NF2: variants seen among roughly 807,000 people sequenced by gnomAD.
NF2 encodes the protein merlin.
NF2 carries 8 observed loss-of-function variants against 83.7 expected under a neutral mutation model. That is an observed-to-expected ratio of 0.10 (90% CI 0.06 to 0.17). The LOEUF is 0.17. NF2 is among the 10% of genes least tolerant of loss of function. The pLI, the probability that NF2 is intolerant of heterozygous loss-of-function variation, is 1.00. For missense variants in NF2, 533 were observed against 744.4 expected (o/e 0.72, Z 3.31); for synonymous variants, 266 against 269.6 (o/e 0.99, Z 0.13).
intron 15 of NF2, among the ~76,000 whole-genome samples, chr22:29,689,589 T>C (rs1395052688): frequency 2.0e-5 from 3 of 152,156 alleles, no homozygotes; most frequent in Non-Finnish European, 2.9e-5. Flanking sequence ...GTGAGTCTTA[T>C]TGTTTAAAAT....
In NF2 at chr22:29,678,270, C is replaced by A; in HGVS notation, c.1521C>A (p.Phe507Leu). ...ACCTCATTGGTGACAGCCTGTCTTT[C>A]GACTTCAAAGATACTGACATGAAGC... Reference protein sequence around the residue: ...SFNLIGDSLSFDFKDTDMKRL... With the variant: ...SFNLIGDSLSLDFKDTDMKRL... The change falls in exon 14 of 16, where the codon TTC (phenylalanine) becomes TTA (leucine). Residue 507 changes from phenylalanine (F) to leucine (L), a missense_variant. Physicochemically the swap from Phe to Leu is conservative, Grantham distance 22 (BLOSUM62 0). This residue lies in a region of NF2 where 199 missense variants were observed against 240.7 expected (regional missense o/e 0.83). Coordinates refer to ENST00000338641, the MANE Select transcript of NF2 (RefSeq NM_000268.4). 6.2e-7 allele frequency: 1 copy of A among 1,614,088 alleles called. No individual in the cohort carries two copies. The highest frequency in any genetic ancestry group is 8.5e-7 in the Non-Finnish European group (1 of 1,180,000).
intron 15 of NF2, among the ~76,000 whole-genome samples, chr22:29,686,984 A>G (rs1260769061): frequency 2.0e-5 from 3 of 152,318 alleles, no homozygotes; most frequent in Admixed American, 6.5e-5. Context: ...TCAGAGCCAC[A>G]GTGCCAATGA....
intron 1 of NF2, among the ~76,000 whole-genome samples, chr22:29,619,598 T>C (rs1278206046): frequency 6.6e-6 from 1 of 151,824 alleles, no homozygotes; most frequent in African/African-American, 2.4e-5. Context: ...GGTCTTACCA[T>C]GTTGGTCAGG....
In NF2 at chr22:29,694,206, C is replaced by A. The variant is rs1465081208; in HGVS notation, c.1738-546C>A. ...ACCTTCTCAGCTGCCACGTCATGAG[C>A]AAGTTTGCTTCGGGACCACCTGGGA... On this transcript the variant is annotated intron_variant, in intron 15 of 15. Transcript: ENST00000338641. The surrounding 1 kb of genome is among the most constrained non-coding windows in gnomAD (Gnocchi z 4.1). Among the ~76,000 whole-genome samples, 1 of 152,358 alleles carries A rather than the reference C, an allele frequency of 6.6e-6. No individual in the cohort carries two copies. The highest frequency in any genetic ancestry group is 6.5e-5 in the Admixed American group (1 of 15,308).
intron 1 of NF2, among the ~76,000 whole-genome samples, chr22:29,627,623 A>G (rs553016238): frequency 1.2e-4 from 19 of 152,294 alleles, no homozygotes; most frequent in Admixed American, 9.8e-4. Flanking sequence ...TCTAGGATAC[A>G]GACCTCCCTG....
At chr22:29,614,450 C>T (rs1297273027) in intron 1 of NF2, among the ~76,000 whole-genome samples, 1 of 151,944 alleles carries the variant, frequency 6.6e-6, no homozygotes, top group Non-Finnish European at 1.5e-5. Flanking sequence ...GGCGTGGTGG[C>T]GGGCGCCTGT....
chr22:29,639,245 G>T, intron 3 of NF2, 33 bp downstream of exon 3: 1 of 1,613,506 alleles, frequency 6.2e-7, no homozygotes, highest in South Asian at 1.1e-5. Context: ...CCAGTTCTGA[G>T]AGAACTTGCC....
At chr22:29,662,915 C>T (rs1601626915) in intron 8 of NF2, among the ~76,000 whole-genome samples, 1 of 152,234 alleles carries the variant, frequency 6.6e-6, no homozygotes, top group South Asian at 2.1e-4. Context: ...AGAACAGGAA[C>T]AGCTTATGTT....
chr22:29,688,999 T>G (rs1393564397), intron 15 of NF2, among the ~76,000 whole-genome samples: 1 of 151,986 alleles, frequency 6.6e-6, no homozygotes, highest in East Asian at 1.9e-4. Context: ...GCCAACATGG[T>G]GAAACCCTGT....
chr22:29,676,143 G>A (rs997204586), intron 13 of NF2, among the ~76,000 whole-genome samples: 7 of 151,814 alleles, frequency 4.6e-5, no homozygotes, highest in Non-Finnish European at 1.0e-4. Context: ...CCTGAGATGT[G>A]TTATGTTTTT....
intron 15 of NF2, chr22:29,683,296 A>T (rs2067195528): frequency 2.8e-6 from 4 of 1,441,308 alleles, no homozygotes; most frequent in South Asian, 1.4e-5. Flanking sequence ...AGAGCATGTC[A>T]TGGGGCTGTA....
intron 1 of NF2, among the ~76,000 whole-genome samples, chr22:29,618,589 G>T (rs1296191753): frequency 6.6e-6 from 1 of 152,182 alleles, no homozygotes; most frequent in East Asian, 1.9e-4. Context: ...AGTGTAATTT[G>T]CCAGGAGGCT....
At chr22:29,685,698 A>G (rs2067253332) in intron 15 of NF2, among the ~76,000 whole-genome samples, 1 of 152,196 alleles carries the variant, frequency 6.6e-6, no homozygotes. Flanking sequence ...GACATGAGCC[A>G]TCTTGCCTGG....
chr22:29,679,247 A>G (rs574080956), intron 14 of NF2, among the ~76,000 whole-genome samples: 8 of 152,296 alleles, frequency 5.3e-5, no homozygotes, highest in East Asian at 1.9e-4. Flanking sequence ...TGCTTTTACC[A>G]TGGGTGGTAT....
chr22:29,691,683 A>G (rs1354862915), intron 15 of NF2, among the ~76,000 whole-genome samples: 1 of 152,218 alleles, frequency 6.6e-6, no homozygotes, highest in Non-Finnish European at 1.5e-5. Context: ...GCAGATGGTG[A>G]AAGATCCACA....
rs1490219681 is a variant in NF2 at position 29,681,496 on chromosome 22, A to C, written c.1632A>C (p.Thr544=). The change falls in exon 15 of 16, where the codon ACA becomes ACC. Residue 544 remains threonine, a synonymous_variant. Coordinates refer to ENST00000338641, the MANE Select transcript of NF2 (RefSeq NM_000268.4). ...HLQEQLNELK[T]EIEALKLKER... ...AGGAGCAGCTCAATGAACTCAAGAC[A>C]GAAATCGAGGCCTTGAAACTGAAAG... is the stretch of plus-strand genomic sequence containing the variant. 6.2e-7 allele frequency: 1 copy of C among 1,614,086 alleles called. No homozygotes were observed. Among genetic ancestry groups the C allele is most frequent in the South Asian group, 1.1e-5 (1 of 91,090 alleles).
At chr22:29,633,985 G>T (rs1483696243) in intron 1 of NF2, among the ~76,000 whole-genome samples, 3 of 152,214 alleles carry the variant, frequency 2.0e-5, no homozygotes, top group African/African-American at 4.8e-5. Context: ...ACTCTTCTGA[G>T]AATGGATTTT....
intron 1 of NF2, among the ~76,000 whole-genome samples, chr22:29,624,397 G>T (rs1222246800): frequency 6.6e-6 from 1 of 152,034 alleles, no homozygotes; most frequent in Non-Finnish European, 1.5e-5. Flanking sequence ...TAGTAGAGAT[G>T]GGGTTTTGCC....
chr22:29,639,337 C>T (rs1400925047), intron 3 of NF2, 125 bp downstream of exon 3: 6 of 1,232,180 alleles, frequency 4.9e-6, no homozygotes, highest in East Asian at 2.3e-5. Flanking sequence ...GGAAGGTCAG[C>T]CCCTTTGGTT....
Sources: allele counts gnomAD v4.1 joint callset (sites outside exome capture counted in the v4.1 genomes callset), GRCh38; gene constraint gnomAD v4.1.1; regional missense constraint gnomAD v4.1.1; non-coding constraint Gnocchi (gnomAD v3.1); transcripts MANE v1.5; gene names NCBI Gene and HGNC (gene_info 2026-07-23, HGNC 2026-07-21).